The following UBE2QL1 variants were observed in gnomAD, a reference collection of about 807,000 sequenced individuals.
UBE2QL1 encodes the protein ubiquitin conjugating enzyme E2 QL1.
In UBE2QL1, 5 loss-of-function variants were observed where a neutral mutation model predicts 12.6. The observed-to-expected ratio is 0.40, with a 90% CI of 0.21 to 0.83. UBE2QL1 has a LOEUF of 0.83. Among genes scored for constraint, UBE2QL1 ranks in the 40% least tolerant of loss-of-function variants. UBE2QL1 has a pLI of 0.37. For missense variants in UBE2QL1, 99 were observed against 222.6 expected (o/e 0.44, Z 3.53); for synonymous variants, 96 against 94.5 (o/e 1.02, Z -0.10).
intron 1 of UBE2QL1, among the ~76,000 whole-genome samples, chr5:6,466,719 T>G (rs1409078052): frequency 6.6e-6 from 1 of 152,262 alleles, no homozygotes; most frequent in Admixed American, 6.5e-5. Flanking sequence ...AAAGGCTTTC[T>G]GGTGATGCTG....
Position 6,496,125 on chromosome 5 carries a change from A to C in UBE2QL1, c.*4776A>C, listed in dbSNP as rs979904805. On this transcript the variant is annotated 3_prime_UTR_variant, in exon 2 of 2. Transcript: ENST00000399816. ...GGGTCAGGTGCGAGGCCGTCCTCCC[A>C]GGTCAGTAAGGCCGCATGGAGGGAT... Among the ~76,000 whole-genome samples the C allele has an allele frequency of 6.6e-5, 10 of 152,306 alleles. No homozygotes were observed. The highest frequency in any genetic ancestry group is 2.2e-4 in the African/African-American group (9 of 41,582).
intron 1 of UBE2QL1, among the ~76,000 whole-genome samples, chr5:6,450,921 G>C (rs1739399718): frequency 6.6e-6 from 1 of 152,240 alleles, no homozygotes. Flanking sequence ...TCATGTGATA[G>C]AATGCAAGCA....
chr5:6,458,529 A>G (rs933506605), intron 1 of UBE2QL1, among the ~76,000 whole-genome samples: 1 of 152,220 alleles, frequency 6.6e-6, no homozygotes, highest in Non-Finnish European at 1.5e-5. Context: ...TATTAAACCA[A>G]TTATTTTTGC....
chr5:6,472,018 C>T (rs1423152854), intron 1 of UBE2QL1, among the ~76,000 whole-genome samples: 1 of 152,112 alleles, frequency 6.6e-6, no homozygotes. Flanking sequence ...TTATTAGATA[C>T]ACTTCATCCT....
At chr5:6,489,393 C>T (rs777698174) in intron 1 of UBE2QL1, among the ~76,000 whole-genome samples, 3 of 151,492 alleles carry the variant, frequency 2.0e-5, no homozygotes, top group Non-Finnish European at 4.4e-5. Context: ...CACTGCACTC[C>T]AGCCTGGATG....
chr5:6,474,032 G>A (rs542279114), intron 1 of UBE2QL1, among the ~76,000 whole-genome samples: 55 of 152,138 alleles, frequency 3.6e-4, no homozygotes, highest in Non-Finnish European at 5.9e-4. Flanking sequence ...TATTGCATAC[G>A]GTCTTTTCAG....
rs1734658020 is a variant in UBE2QL1, at chr5:6,495,888, C to G, written c.*4539C>G. ...ATAGTATTAAATATCATTTTTAAGCCCAGGGCCTGTCTGATCCACAGAATG... is the reference window on the plus strand; with the variant it reads ...ATAGTATTAAATATCATTTTTAAGCGCAGGGCCTGTCTGATCCACAGAATG... On this transcript the variant is annotated 3_prime_UTR_variant, in exon 2 of 2. Coordinates refer to ENST00000399816, the MANE Select transcript of UBE2QL1 (RefSeq NM_001145161.3). Among the ~76,000 whole-genome samples, 1 of 152,088 alleles carries G rather than the reference C, an allele frequency of 6.6e-6. No individual in the cohort carries two copies. The highest frequency in any genetic ancestry group is 2.1e-4 in the South Asian group (1 of 4,814).
chr5:6,470,174 G>A (rs1476521672), intron 1 of UBE2QL1, among the ~76,000 whole-genome samples: 1 of 152,170 alleles, frequency 6.6e-6, no homozygotes, highest in African/African-American at 2.4e-5. Context: ...CTGGAAGCCT[G>A]GTGCTCCCCA....
chr5:6,485,272 C>T (rs937355533), intron 1 of UBE2QL1, among the ~76,000 whole-genome samples: 2 of 152,184 alleles, frequency 1.3e-5, no homozygotes, highest in African/African-American at 4.8e-5. Context: ...CCCTGCTTGT[C>T]AGTGGCTTCA....
rs755115228 is a variant in UBE2QL1, at chr5:6,476,642, C to T, written c.355-14576C>T. 6.6e-6 allele frequency among the ~76,000 whole-genome samples: 1 copy of T among 152,164 alleles called. No individual in the cohort carries two copies. The highest frequency in any genetic ancestry group is 2.4e-5 in the African/African-American group (1 of 41,432). ...AATATTTGTGAACTGCTGCAGAAAG[C>T]AAAGCACACTCTGCGAATGCATGGC... On this transcript the variant is annotated intron_variant, in intron 1 of 1. Transcript: ENST00000399816. This position sits in a 1 kb window ranked among gnomAD's most constrained non-coding sequence, Gnocchi z 4.9.
At chr5:6,483,561 G>A (rs1305532109) in intron 1 of UBE2QL1, among the ~76,000 whole-genome samples, 7 of 152,282 alleles carry the variant, frequency 4.6e-5, no homozygotes, top group East Asian at 1.9e-4. Context: ...TGAGGACACC[G>A]CATCACCTGC....
chr5:6,470,338 C>T (rs576539428), intron 1 of UBE2QL1, among the ~76,000 whole-genome samples: 5 of 152,296 alleles, frequency 3.3e-5, no homozygotes, highest in East Asian at 1.9e-4. Context: ...GCGTGGATTA[C>T]GTGACTGTGT....
intron 1 of UBE2QL1, among the ~76,000 whole-genome samples, chr5:6,469,459 A>G (rs898473103): frequency 1.3e-5 from 2 of 148,334 alleles, no homozygotes; most frequent in Non-Finnish European, 3.0e-5. Flanking sequence ...TTATATATAT[A>G]AGCTATGGTG....
chr5:6,471,506 C>A (rs559619290), intron 1 of UBE2QL1, among the ~76,000 whole-genome samples: 2 of 152,332 alleles, frequency 1.3e-5, no homozygotes, highest in East Asian at 3.9e-4. Context: ...TGCCTATGGG[C>A]CTCTCCATGG....
At chr5:6,457,638 GC>G (rs1358310725) in intron 1 of UBE2QL1, among the ~76,000 whole-genome samples, 2 of 152,216 alleles carry the variant, frequency 1.3e-5, no homozygotes, top group African/African-American at 4.8e-5. Flanking sequence ...CCTTGTAGCA[GC>G]CTAAGAGGTA....
In UBE2QL1 at chr5:6,458,945, G is replaced by A. The variant is rs905509487; in HGVS notation, c.354+9698G>A. ...TCTCCTGCAGCGCACATGTGCCTGC[G>A]TCTGACAGCACCTCTCGGGTGGGAG... is the stretch of plus-strand genomic sequence containing the variant. On this transcript the variant is annotated intron_variant, in intron 1 of 1. Coordinates refer to ENST00000399816, the MANE Select transcript of UBE2QL1 (RefSeq NM_001145161.3). Among the ~76,000 whole-genome samples the A allele has an allele frequency of 2.0e-5, 3 of 152,090 alleles. No individual in the cohort carries two copies. In the East Asian group the frequency reaches 5.8e-4, roughly 29 times the overall value.
chr5:6,452,254 C>T (rs1739425703), intron 1 of UBE2QL1, among the ~76,000 whole-genome samples: 1 of 152,140 alleles, frequency 6.6e-6, no homozygotes, highest in South Asian at 2.1e-4. Context: ...TAAATTCAGT[C>T]ATTTCGTGAG....
At chr5:6,482,267 C>T (rs1476930215) in intron 1 of UBE2QL1, among the ~76,000 whole-genome samples, 1 of 152,188 alleles carries the variant, frequency 6.6e-6, no homozygotes, top group African/African-American at 2.4e-5. Context: ...GCCACCTGAA[C>T]TGTGAGAGAG....
chr5:6,457,900 C>A lies in UBE2QL1; in HGVS notation c.354+8653C>A, dbSNP rs997725098. ...TACTCAGAATCAATCCACGAGAGGA[C>A]GGATGGTGCATCCATCAAGTCTGAC... is the stretch of plus-strand genomic sequence containing the variant. On this transcript the variant is annotated intron_variant, in intron 1 of 1. Transcript: ENST00000399816. 4.6e-5 allele frequency among the ~76,000 whole-genome samples: 7 copies of A among 152,328 alleles called. No individual in the cohort carries two copies. In the South Asian group the frequency reaches 1.4e-3, roughly 32 times the overall value.
Sources: allele counts gnomAD v4.1 joint callset (sites outside exome capture counted in the v4.1 genomes callset), GRCh38; gene constraint gnomAD v4.1.1; non-coding constraint Gnocchi (gnomAD v3.1); transcripts MANE v1.5; gene names NCBI Gene and HGNC (gene_info 2026-07-23, HGNC 2026-07-21).